The following RNF180 variants were observed in gnomAD, a reference collection of about 807,000 sequenced individuals.
The protein encoded by RNF180 is E3 ubiquitin-protein ligase RNF180.
RNF180 carries 38 observed loss-of-function variants against 59.2 expected under a neutral mutation model. The observed-to-expected ratio is 0.64, with a 90% CI of 0.50 to 0.84. The LOEUF is 0.84. Ranked by LOEUF, RNF180 falls within the 40% of genes least tolerant of loss-of-function variation. RNF180 has a pLI of 0.00. For missense variants in RNF180, 705 were observed against 700.9 expected (o/e 1.01, Z -0.07); for synonymous variants, 262 against 240.3 (o/e 1.09, Z -0.84).
At chr5:64,237,515 G>A (rs1241250720) in intron 5 of RNF180, among the ~76,000 whole-genome samples, 1 of 152,050 alleles carries the variant, frequency 6.6e-6, no homozygotes, top group African/African-American at 2.4e-5. Flanking sequence ...ATGAGATTTT[G>A]GAATTGGACT....
intron 7 of RNF180, among the ~76,000 whole-genome samples, chr5:64,340,273 G>C (rs904967765): frequency 2.6e-5 from 4 of 152,018 alleles, no homozygotes; most frequent in Non-Finnish European, 5.9e-5. Flanking sequence ...TTTTTAACAA[G>C]AATTAAAAAT....
At chr5:64,249,647 G>A (rs1422252420) in intron 5 of RNF180, among the ~76,000 whole-genome samples, 1 of 151,816 alleles carries the variant, frequency 6.6e-6, no homozygotes, top group Non-Finnish European at 1.5e-5. Context: ...CCATGCAAAG[G>A]GAAACCAAAA....
intron 5 of RNF180, among the ~76,000 whole-genome samples, chr5:64,284,658 G>C (rs1742187955): frequency 1.3e-5 from 2 of 152,140 alleles, no homozygotes; most frequent in Admixed American, 1.3e-4. Context: ...AATTCTTGTA[G>C]TGAGTTTTTA....
chr5:64,236,900 T>C (rs906411754), intron 5 of RNF180, among the ~76,000 whole-genome samples: 9 of 152,114 alleles, frequency 5.9e-5, no homozygotes, highest in Non-Finnish European at 1.0e-4. Context: ...AGAATTGAGC[T>C]TCGAGAACCT....
intron 7 of RNF180, among the ~76,000 whole-genome samples, chr5:64,349,555 T>A (rs1179800712): frequency 6.6e-6 from 1 of 152,138 alleles, no homozygotes; most frequent in African/African-American, 2.4e-5. Context: ...ACATTAGGTA[T>A]ATCTCCTAAT....
chr5:64,170,583 C>A (rs1014543915), intron 1 of RNF180, among the ~76,000 whole-genome samples: 1 of 152,064 alleles, frequency 6.6e-6, no homozygotes, highest in Non-Finnish European at 1.5e-5. Flanking sequence ...GCGGAAAAGG[C>A]ATAAGAAAGG....
intron 6 of RNF180, among the ~76,000 whole-genome samples, chr5:64,325,875 T>C (rs1313587654): frequency 6.6e-6 from 1 of 152,188 alleles, no homozygotes; most frequent in Admixed American, 6.5e-5. Flanking sequence ...GGTTAAGGTC[T>C]TTCTCCTTGA....
In RNF180 at chr5:64,207,413, T is replaced by C. The variant is rs540230065; in HGVS notation, c.136-4652T>C. Among the ~76,000 whole-genome samples, 4 of 152,132 alleles carry C rather than the reference T, an allele frequency of 2.6e-5. 1 individual carries two copies. Among genetic ancestry groups the C allele is most frequent in the African/African-American group, 7.2e-5 (3 of 41,522 alleles). On this transcript the variant is annotated intron_variant, in intron 2 of 7. Coordinates refer to ENST00000389100, the MANE Select transcript of RNF180 (RefSeq NM_001113561.2). ...AGGACCAGCGTGTTCAAAGGCCCTG[T>C]GGTGGATCTCCGGAACTAAAATAGA...
chr5:64,328,104 G>A (rs938532738), intron 6 of RNF180, among the ~76,000 whole-genome samples: 3 of 152,090 alleles, frequency 2.0e-5, no homozygotes, highest in Non-Finnish European at 4.4e-5. Flanking sequence ...GTTCACCTTC[G>A]TTTGTATTAT....
At chr5:64,226,471 G>A (rs558482576) in intron 5 of RNF180, among the ~76,000 whole-genome samples, 166 of 152,194 alleles carry the variant, frequency 1.1e-3, no homozygotes, top group Non-Finnish European at 1.7e-3. Context: ...CAGCATGCTC[G>A]TTAAGAGTCA....
chr5:64,192,903 G>GTGTGTATATATATATATATATATATA (rs1486448173), intron 1 of RNF180, among the ~76,000 whole-genome samples: 1 of 93,870 alleles, frequency 1.1e-5, no homozygotes, highest in African/African-American at 4.1e-5. Flanking sequence ...AGTGTGGCAT[G>GTGTGTATATATATATATATATATATA]TATATATATA....
At chr5:64,250,498 GA>G (rs1307309932) in intron 5 of RNF180, among the ~76,000 whole-genome samples, 1 of 151,620 alleles carries the variant, frequency 6.6e-6, no homozygotes, top group African/African-American at 2.4e-5. Context: ...TTTTTAAAGA[GA>G]AAATCAACAA....
intron 7 of RNF180, among the ~76,000 whole-genome samples, chr5:64,364,791 T>G (rs1746384755): frequency 6.6e-6 from 1 of 151,720 alleles, no homozygotes; most frequent in Non-Finnish European, 1.5e-5. Flanking sequence ...TCTGGTTCAG[T>G]CTTGGGAGGG....
intron 5 of RNF180, among the ~76,000 whole-genome samples, chr5:64,316,079 G>A (rs1304301934): frequency 3.9e-5 from 6 of 152,080 alleles, no homozygotes; most frequent in Admixed American, 2.0e-4. Flanking sequence ...ATATTATTTT[G>A]TTGTTTTTAT....
At chr5:64,333,946 G>A (rs1358904958) in intron 7 of RNF180, among the ~76,000 whole-genome samples, 1 of 152,096 alleles carries the variant, frequency 6.6e-6, no homozygotes, top group Non-Finnish European at 1.5e-5. Context: ...AAGGAGTTAA[G>A]CCTTTAATCA....
intron 1 of RNF180, among the ~76,000 whole-genome samples, chr5:64,195,625 A>G (rs931218537): frequency 2.0e-5 from 3 of 152,240 alleles, no homozygotes; most frequent in African/African-American, 7.2e-5. Flanking sequence ...TGCCTATGGC[A>G]TATTTCTGGC....
intron 7 of RNF180, among the ~76,000 whole-genome samples, chr5:64,348,977 T>C (rs1745671293): frequency 6.6e-6 from 1 of 152,134 alleles, no homozygotes; most frequent in Non-Finnish European, 1.5e-5. Context: ...CTTAAGATTT[T>C]AACTACCTGT....
At position 64,327,149 on chromosome 5, in the gene RNF180, CT is replaced by C. The variant is rs527487883; in HGVS notation, c.1453+1744del. On this transcript the variant is annotated intron_variant, in intron 6 of 7. Transcript: ENST00000389100. ...TTGTATTTGGTATGTGTTGTGACAT[CT>C]TTTTTGTTTCTGATTTTATTTGGGT... Among the ~76,000 whole-genome samples, 60 of 151,982 alleles carry C rather than the reference CT, an allele frequency of 3.9e-4. No individual in the cohort carries two copies. The East Asian group carries it at 0.011, about 27-fold the overall frequency.
chr5:64,360,946 G>T (rs942358941), intron 7 of RNF180, among the ~76,000 whole-genome samples: 1 of 151,620 alleles, frequency 6.6e-6, no homozygotes, highest in African/African-American at 2.4e-5. Flanking sequence ...CATTAAATAT[G>T]CTATATTCTA....
Sources: allele counts gnomAD v4.1 joint callset (sites outside exome capture counted in the v4.1 genomes callset), GRCh38; gene constraint gnomAD v4.1.1; transcripts MANE v1.5; gene names NCBI Gene and HGNC (gene_info 2026-07-23, HGNC 2026-07-21).